The following CECR2 variants were observed in gnomAD, a reference collection of about 807,000 sequenced individuals.
CECR2 encodes chromatin remodeling regulator CECR2.
A neutral mutation model predicts 154.5 loss-of-function variants in CECR2; 30 were observed. The ratio of observed to expected loss-of-function variants is 0.19; its 90% CI spans 0.15 to 0.26. CECR2 has a LOEUF of 0.26. CECR2 is among the 10% of genes least tolerant of loss of function. The pLI is 1.00. For missense variants in CECR2, 1,743 were observed against 1,829.3 expected, an observed-to-expected ratio of 0.95 and a Z score of 0.86; for synonymous variants, 725 against 683.7, an observed-to-expected ratio of 1.06 and a Z score of -0.94.
At chr22:17,393,530 A>T (rs1433586531) in intron 1 of CECR2, among the ~76,000 whole-genome samples, 2 of 152,162 alleles carry the variant, frequency 1.3e-5, no homozygotes, top group Non-Finnish European at 2.9e-5. Flanking sequence ...TTAGGTATGT[A>T]CTAAGAAGTG....
In CECR2 at chr22:17,360,215, G is replaced by A. The variant is rs4607033; in HGVS notation, c.-364+192G>A. Among the ~76,000 whole-genome samples, 884 of 152,340 alleles carry A rather than the reference G, an allele frequency of 5.8e-3. 6 individuals are homozygous for A. The highest frequency in any genetic ancestry group is 9.7e-3 in the Non-Finnish European group (659 of 68,034). On this transcript the variant is annotated intron_variant, in intron 1 of 18. Coordinates refer to the CECR2 transcript ENST00000400585. ...ATCTTAAAATGCGGTGATTAGTTAC[G>A]CAGAGCTGGGTGCAGTGGCACGTCT...
intron 1 of CECR2, among the ~76,000 whole-genome samples, chr22:17,467,000 C>T (rs1245746275): frequency 6.6e-6 from 1 of 152,178 alleles, no homozygotes; most frequent in African/African-American, 2.4e-5. Context: ...AAGCTCAGTA[C>T]TTAGCAGCCA....
chr22:17,438,369 A>G (rs2054536293), intron 1 of CECR2, among the ~76,000 whole-genome samples: 1 of 152,214 alleles, frequency 6.6e-6, no homozygotes, highest in Non-Finnish European at 1.5e-5. Flanking sequence ...GAAAATATTT[A>G]ATCACTTTGA....
At chr22:17,360,999 CA>C (rs1381501765) in intron 1 of CECR2, among the ~76,000 whole-genome samples, 1 of 151,484 alleles carries the variant, frequency 6.6e-6, no homozygotes, top group Non-Finnish European at 1.5e-5. Context: ...CCCATCTCTA[CA>C]AAAAATAAAA....
intron 1 of CECR2, among the ~76,000 whole-genome samples, chr22:17,450,268 T>C (rs1293315044): frequency 2.0e-5 from 3 of 152,158 alleles, no homozygotes; most frequent in Non-Finnish European, 2.9e-5. Context: ...AAAAGTAATA[T>C]ATTAACTTTT....
At chr22:17,419,468 G>T (rs1254196150) in intron 1 of CECR2, 10 of 212,792 alleles carry the variant, frequency 4.7e-5, no homozygotes, top group Middle Eastern at 5.7e-4. Flanking sequence ...CCACGCCTGA[G>T]GAAGACTCAG....
chr22:17,369,997 G>A (rs2063035537), intron 1 of CECR2, 88 bp downstream of exon 1: 2 of 151,450 alleles, frequency 1.3e-5, no homozygotes, highest in Admixed American at 1.3e-4. Flanking sequence ...CGCGCAGAGG[G>A]GCCGGGGCCC....
At chr22:17,412,480 G>A (rs1184454569) in intron 1 of CECR2, among the ~76,000 whole-genome samples, 4 of 152,052 alleles carry the variant, frequency 2.6e-5, no homozygotes, top group Non-Finnish European at 5.9e-5. Flanking sequence ...GGGCTAAAGA[G>A]GCCTTTGGCT....
intron 16 of CECR2, among the ~76,000 whole-genome samples, chr22:17,545,175 G>T (rs2056591759): frequency 1.3e-5 from 2 of 151,704 alleles, no homozygotes; most frequent in South Asian, 2.1e-4. Context: ...GGGAGTTTGA[G>T]ACCAGCCTGG....
At chr22:17,373,918 T>C (rs1285567109) in intron 1 of CECR2, among the ~76,000 whole-genome samples, 4 of 152,182 alleles carry the variant, frequency 2.6e-5, no homozygotes, top group Admixed American at 6.5e-5. Context: ...TGGCTAAGTT[T>C]TGTCCTGATT....
At chr22:17,407,331 C>T (rs1601302786) in intron 1 of CECR2, among the ~76,000 whole-genome samples, 1 of 152,214 alleles carries the variant, frequency 6.6e-6, no homozygotes, top group East Asian at 1.9e-4. Context: ...TGCGGTGGCT[C>T]ACGCCTGTAA....
intron 17 of CECR2, among the ~76,000 whole-genome samples, chr22:17,551,796 C>G (rs1053676408): frequency 4.6e-5 from 7 of 151,002 alleles, no homozygotes; most frequent in African/African-American, 1.7e-4. Context: ...GACCCTGTCT[C>G]TAAAAGAAAA....
intron 7 of CECR2, among the ~76,000 whole-genome samples, chr22:17,507,735 A>C (rs2055873079): frequency 6.6e-6 from 1 of 152,234 alleles, no homozygotes; most frequent in South Asian, 2.1e-4. Flanking sequence ...ATTTTCAAGA[A>C]CCATGGAGTT....
At chr22:17,461,020 T>TA (rs2054929226) in intron 1 of CECR2, among the ~76,000 whole-genome samples, 1 of 152,182 alleles carries the variant, frequency 6.6e-6, no homozygotes, top group African/African-American at 2.4e-5. Context: ...TGTCTCTTTG[T>TA]AGACCTGTCA....
intron 1 of CECR2, among the ~76,000 whole-genome samples, chr22:17,399,901 T>G (rs765222113): frequency 6.6e-6 from 1 of 152,232 alleles, no homozygotes. Flanking sequence ...TCTTTTGGCA[T>G]CTCTTTGAAT....
At chr22:17,434,526 C>G (rs1219188282) in intron 1 of CECR2, among the ~76,000 whole-genome samples, 1 of 152,128 alleles carries the variant, frequency 6.6e-6, no homozygotes, top group East Asian at 1.9e-4. Context: ...AGTTAGTAGT[C>G]TAACTTTTCT....
intron 1 of CECR2, among the ~76,000 whole-genome samples, chr22:17,409,068 A>T (rs796783163): frequency 1.3e-5 from 2 of 152,258 alleles, no homozygotes; most frequent in African/African-American, 4.8e-5. Flanking sequence ...ACATGCCCTG[A>T]TCAGCCTATC....
Position 17,549,552 on chromosome 22 carries a change from A to G in CECR2, c.4265A>G (p.Tyr1422Cys). The G allele has an allele frequency of 6.3e-7, 1 of 1,590,160 alleles. No individual in the cohort carries two copies. ...ATAAGAGGACCTTTCCAGGAAATGT[A>G]CAGACCATCAGGGTAAGATTGCATT... ...SGIRGPFQEMYRPSGMQMHPV... is the reference protein window; with the variant it reads ...SGIRGPFQEMCRPSGMQMHPV... Residue 1422 changes from tyrosine to cysteine, a missense_variant, in exon 17 of 19, where the codon TAC becomes TGC. Around this residue, in one of 4 missense-constraint regions of CECR2, gnomAD observed 1,250 missense variants for 1,192.1 expected, o/e 1.05. Coordinates refer to ENST00000262608, the MANE Select transcript of CECR2 (RefSeq NM_001290047.2).
At chr22:17,523,178 T>G (rs142652995) in intron 8 of CECR2, among the ~76,000 whole-genome samples, 3,313 of 151,974 alleles carry the variant, frequency 0.022, 119 homozygotes, top group African/African-American at 0.077. Context: ...AGGTCAGAAG[T>G]TCGAGACCAG....
Sources: allele counts gnomAD v4.1 joint callset (sites outside exome capture counted in the v4.1 genomes callset), GRCh38; gene constraint gnomAD v4.1.1; regional missense constraint gnomAD v4.1.1; transcripts MANE v1.5; gene names NCBI Gene and HGNC (gene_info 2026-07-23, HGNC 2026-07-21).